The following SUSD5 variants were observed in gnomAD, a reference collection of about 807,000 sequenced individuals.
SUSD5 encodes sushi domain-containing protein 5.
In SUSD5, 33 loss-of-function variants were observed where a neutral mutation model predicts 29.5. That is an observed-to-expected ratio of 1.12 (90% CI 0.85 to 1.49). The LOEUF is 1.49. SUSD5 is among the 40% of genes most tolerant of loss of function. SUSD5 has a pLI of 0.00. For missense variants in SUSD5, 776 were observed against 800.6 expected, an observed-to-expected ratio of 0.97 and a Z score of 0.37; for synonymous variants, 308 against 325.3, an observed-to-expected ratio of 0.95 and a Z score of 0.57.
chr3:33,176,156 GTCT>G (rs1321270920), intron 3 of SUSD5, among the ~76,000 whole-genome samples: 9 of 152,186 alleles, frequency 5.9e-5, no homozygotes, highest in Admixed American at 5.9e-4. Flanking sequence ...GCTCCTCCAT[GTCT>G]TCTTATGGCT....
intron 3 of SUSD5, among the ~76,000 whole-genome samples, chr3:33,185,858 G>A (rs897764922): frequency 2.0e-5 from 3 of 152,002 alleles, no homozygotes; most frequent in Non-Finnish European, 4.4e-5. Context: ...ATGCTTCAAT[G>A]AACAGTCTCA....
chr3:33,163,752 C>G (rs2031242134), intron 4 of SUSD5, among the ~76,000 whole-genome samples: 1 of 152,088 alleles, frequency 6.6e-6, no homozygotes, highest in Non-Finnish European at 1.5e-5. Context: ...AATCCCAGCA[C>G]TTTGGGAGGC....
chr3:33,190,733 T>C (rs955419772), intron 3 of SUSD5, among the ~76,000 whole-genome samples: 1 of 152,232 alleles, frequency 6.6e-6, no homozygotes, highest in Non-Finnish European at 1.5e-5. Flanking sequence ...TTCTCTGGGC[T>C]TCCCTTGTCT....
intron 4 of SUSD5, among the ~76,000 whole-genome samples, chr3:33,169,735 T>G (rs1256874913): frequency 6.6e-6 from 1 of 152,150 alleles, no homozygotes; most frequent in African/African-American, 2.4e-5. Flanking sequence ...AGCTGTACAT[T>G]TGCTGTTGGA....
chr3:33,211,091 G>C (rs149466678), intron 2 of SUSD5, among the ~76,000 whole-genome samples: 1 of 151,874 alleles, frequency 6.6e-6, no homozygotes, highest in Non-Finnish European at 1.5e-5. Flanking sequence ...ACTGGGTTTC[G>C]CCATATTGGC....
At chr3:33,211,314 T>C (rs1201602091) in intron 2 of SUSD5, among the ~76,000 whole-genome samples, 1 of 152,226 alleles carries the variant, frequency 6.6e-6, no homozygotes. Flanking sequence ...TGGCATACAA[T>C]GCTTGAGAGA....
chr3:33,178,996 G>A (rs2031611547), intron 3 of SUSD5, among the ~76,000 whole-genome samples: 1 of 152,160 alleles, frequency 6.6e-6, no homozygotes, highest in South Asian at 2.1e-4. Flanking sequence ...TTCTTTGGAA[G>A]GTTGTAGAGA....
chr3:33,181,473 T>C (rs545226857), intron 3 of SUSD5, among the ~76,000 whole-genome samples: 6 of 151,532 alleles, frequency 4.0e-5, no homozygotes, highest in Non-Finnish European at 8.8e-5. Flanking sequence ...CTCACTGACC[T>C]CTTGGACTCT....
chr3:33,203,138 C>T (rs540182843), intron 3 of SUSD5, among the ~76,000 whole-genome samples: 1 of 152,352 alleles, frequency 6.6e-6, no homozygotes, highest in South Asian at 2.1e-4. Flanking sequence ...CTTAAGCAAA[C>T]AGATTTCCCT....
Position 33,175,023 on chromosome 3 carries a change from C to A in SUSD5, c.461G>T (p.Arg154Leu), listed in dbSNP as rs1234070467. ...PSFPHTILQG[R>L]TGLEMGDELL... ...TTCATCCCCCATTTCCAAGCCGGTG[C>A]GGCCCTGCAGGATGGTGTGTGGGAA... Residue 154 changes from arginine (R) to leucine (L), a missense_variant, in exon 4 of 5, where the codon CGC (arginine) becomes CTC (leucine). Arg to Leu is a moderately radical substitution (Grantham distance 102, BLOSUM62 -2). Transcript: ENST00000309558. The A allele has an allele frequency of 2.5e-6, 4 of 1,613,920 alleles. No homozygotes were observed. Among genetic ancestry groups the A allele is most frequent in the East Asian group, 2.2e-5 (1 of 44,890 alleles).
intron 4 of SUSD5, among the ~76,000 whole-genome samples, chr3:33,164,969 AACACACAC>A (rs34551240): frequency 0.16 from 24,055 of 147,046 alleles, 2,455 homozygotes; most frequent in East Asian, 0.34. Flanking sequence ...ACTAAAGTTG[AACACACAC>A]ACACACACAC....
At position 33,195,132 on chromosome 3, in the gene SUSD5, T is replaced by C. The variant is rs940246318; in HGVS notation, c.409+12676A>G. On this transcript the variant is annotated intron_variant, in intron 3 of 4. Coordinates refer to ENST00000309558, the MANE Select transcript of SUSD5 (RefSeq NM_015551.2). ...ATCGCTTGAACCCAGGAGGCAGAGG[T>C]TGCAGTGACCCGAGACTGTGCCACT... Among the ~76,000 whole-genome samples the C allele has an allele frequency of 5.3e-5, 8 of 152,170 alleles. No individual in the cohort carries two copies. In the South Asian group the frequency reaches 1.7e-3, roughly 32 times the overall value.
At position 33,198,183 on chromosome 3, in the gene SUSD5, T is replaced by C. The variant is rs147472424; in HGVS notation, c.409+9625A>G. Among the ~76,000 whole-genome samples the C allele has an allele frequency of 7.2e-5, 11 of 152,352 alleles. No individual in the cohort carries two copies. In the East Asian group the frequency reaches 1.9e-3, roughly 27 times the overall value. On this transcript the variant is annotated intron_variant, in intron 3 of 4. Transcript: ENST00000309558. ...TGGTGCTAGATACTAATCATAGTCA[T>C]AGCTCATACTTATTGAGGTGTTACT...
chr3:33,179,080 A>G (rs1045861406), intron 3 of SUSD5, among the ~76,000 whole-genome samples: 2 of 152,190 alleles, frequency 1.3e-5, no homozygotes, highest in Non-Finnish European at 2.9e-5. Context: ...TTTCTTTGGA[A>G]GGTAATTAGT....
chr3:33,193,562 G>C (rs952007451), intron 3 of SUSD5, among the ~76,000 whole-genome samples: 1 of 152,140 alleles, frequency 6.6e-6, no homozygotes, highest in Non-Finnish European at 1.5e-5. Context: ...ATGGAATTCA[G>C]GGCTTTAGGG....
At chr3:33,200,590 C>A (rs914783196) in intron 3 of SUSD5, among the ~76,000 whole-genome samples, 1 of 152,088 alleles carries the variant, frequency 6.6e-6, no homozygotes, top group Non-Finnish European at 1.5e-5. Flanking sequence ...TACCTTGCCA[C>A]GAATGGACCA....
chr3:33,156,103 C>T (rs1347145835), intron 4 of SUSD5, among the ~76,000 whole-genome samples: 5 of 151,060 alleles, frequency 3.3e-5, no homozygotes, highest in Non-Finnish European at 7.4e-5. Context: ...TGCAATGGTG[C>T]AATCTAGGCT....
At chr3:33,202,181 ATGGT>A (rs1246879063) in intron 3 of SUSD5, among the ~76,000 whole-genome samples, 1 of 152,180 alleles carries the variant, frequency 6.6e-6, no homozygotes, top group Non-Finnish European at 1.5e-5. Context: ...CAGCAGGTCC[ATGGT>A]AATGAGCTCA....
At chr3:33,191,198 C>T (rs773484521) in intron 3 of SUSD5, among the ~76,000 whole-genome samples, 1 of 151,284 alleles carries the variant, frequency 6.6e-6, no homozygotes, top group Non-Finnish European at 1.5e-5. Flanking sequence ...GGCATGATCT[C>T]GGCTCACTAC....
Sources: allele counts gnomAD v4.1 joint callset (sites outside exome capture counted in the v4.1 genomes callset), GRCh38; gene constraint gnomAD v4.1.1; transcripts MANE v1.5; gene names NCBI Gene and HGNC (gene_info 2026-07-23, HGNC 2026-07-21).